Variants in THADA observed in about 807,000 individuals in gnomAD.
THADA encodes the protein THADA armadillo repeat containing.
Under a neutral mutation model 219.8 loss-of-function variants are expected in THADA, and 213 were observed. That is an observed-to-expected ratio of 0.97 (90% CI 0.87 to 1.09). The LOEUF (loss-of-function observed/expected upper bound fraction) is 1.09. Ranked by LOEUF, THADA falls within the 50% of genes least tolerant of loss-of-function variation. The probability of loss-of-function intolerance (pLI) is 0.00; values close to 1 mark genes in which losing one functional copy is unlikely to be tolerated. For synonymous variants in THADA, 1,018 were observed against 828.9 expected, an observed-to-expected ratio of 1.23 and a Z score of -3.92; for missense variants, 2,956 against 2,311.3, an observed-to-expected ratio of 1.28 and a Z score of -5.72.
chr2:43,241,692 C>T (rs962219720), intron 36 of THADA, among the ~76,000 whole-genome samples: 1 of 151,970 alleles, frequency 6.6e-6, no homozygotes, highest in Non-Finnish European at 1.5e-5. Flanking sequence ...CATTAGAAGA[C>T]GGCAGCAGCT....
Position 43,381,496 on chromosome 2 carries a change from GA to G in THADA, c.4227+16474del, listed in dbSNP as rs1168748341. ...AAGAGTAGAGTATGGAAAAAAGACA[GA>G]AGAGGAGAGAAGCTCTATAGTGGAG... On this transcript the variant is annotated intron_variant, in intron 29 of 37. Coordinates refer to ENST00000405975, the MANE Select transcript of THADA (RefSeq NM_022065.5). Among the ~76,000 whole-genome samples the G allele has an allele frequency of 2.0e-5, 3 of 152,194 alleles. No individual in the cohort carries two copies. In the East Asian group the frequency reaches 5.8e-4, roughly 29 times the overall value.
intron 9 of THADA, among the ~76,000 whole-genome samples, chr2:43,577,923 T>C (rs1430518485): frequency 1.3e-5 from 2 of 152,010 alleles, no homozygotes; most frequent in Non-Finnish European, 2.9e-5. Flanking sequence ...TAATGAGAGA[T>C]GACACTGAAC....
At chr2:43,570,691 C>T (rs995471246) in intron 13 of THADA, among the ~76,000 whole-genome samples, 181 bp from the exon 14 acceptor site, 1 of 152,208 alleles carries the variant, frequency 6.6e-6, no homozygotes, top group African/African-American at 2.4e-5. Context: ...CAAACTATTA[C>T]TGCAAAGCAG....
intron 36 of THADA, among the ~76,000 whole-genome samples, chr2:43,265,954 C>T (rs1389595186): frequency 8.1e-6 from 1 of 122,894 alleles, no homozygotes; most frequent in Non-Finnish European, 1.8e-5. Context: ...CACACACACA[C>T]ACACACACAC....
rs932488419 is a variant in THADA, at chr2:43,496,278, T to C, written c.3744+2555A>G. Reference sequence around the variant, plus strand: ...CATGATATAGGAAAACAAACTATAATGTTTCTCCCAGAAATCATAAGAAAA... The same window carrying C: ...CATGATATAGGAAAACAAACTATAACGTTTCTCCCAGAAATCATAAGAAAA... On this transcript the variant is annotated intron_variant, in intron 25 of 37. Coordinates refer to ENST00000405975, the MANE Select transcript of THADA (RefSeq NM_022065.5). 2.0e-5 allele frequency among the ~76,000 whole-genome samples: 3 copies of C among 152,218 alleles called. No homozygotes were observed. In the East Asian group the frequency reaches 5.8e-4, roughly 29 times the overall value.
At chr2:43,415,221 C>G (rs551560068) in intron 28 of THADA, among the ~76,000 whole-genome samples, 2 of 152,142 alleles carry the variant, frequency 1.3e-5, no homozygotes, top group African/African-American at 4.8e-5. Flanking sequence ...AAACCATATA[C>G]TAAAAGAATG....
intron 35 of THADA, 58 bp downstream of exon 35, chr2:43,286,850 T>C: frequency 1.9e-6 from 3 of 1,570,616 alleles, no homozygotes; most frequent in Non-Finnish European, 2.6e-6. Context: ...TAGGCAAGAA[T>C]ATCTATTCAT....
chr2:43,514,078 A>C (rs936901954), intron 22 of THADA, among the ~76,000 whole-genome samples: 3 of 151,848 alleles, frequency 2.0e-5, no homozygotes, highest in African/African-American at 7.3e-5. Context: ...AAAAAAAATA[A>C]AGAACAAGAA....
chr2:43,474,067 T>C (rs1282580636), intron 26 of THADA, among the ~76,000 whole-genome samples: 2 of 152,202 alleles, frequency 1.3e-5, no homozygotes, highest in East Asian at 1.9e-4. Flanking sequence ...ATATGTGGTC[T>C]GTCATTGACT....
rs191833928 is a variant in THADA at position 43,508,228 on chromosome 2, G to C, written c.3507+420C>G. Among the ~76,000 whole-genome samples the C allele has an allele frequency of 3.9e-5, 6 of 152,160 alleles. No homozygotes were observed. In the East Asian group the frequency reaches 9.6e-4, roughly 24 times the overall value. On this transcript the variant is annotated intron_variant, in intron 23 of 37. Transcript: ENST00000405975. ...TATTTTATGGATGGACGTTTTATAG[G>C]AGAATTGAAAAGAAAATGTTAACAC...
chr2:43,247,420 T>C (rs1669264286), intron 36 of THADA, among the ~76,000 whole-genome samples: 1 of 152,058 alleles, frequency 6.6e-6, no homozygotes, highest in South Asian at 2.1e-4. Flanking sequence ...CTGACTAAAA[T>C]TGTTGAATAA....
intron 26 of THADA, among the ~76,000 whole-genome samples, chr2:43,464,619 A>G (rs540898623): frequency 6.6e-6 from 1 of 152,204 alleles, no homozygotes; most frequent in African/African-American, 2.4e-5. Flanking sequence ...CATGAGCTAC[A>G]TAACAAGCAC....
In THADA at chr2:43,578,602, G is replaced by T; in HGVS notation, c.727C>A (p.Leu243Met). The T allele has an allele frequency of 6.3e-7, 1 of 1,589,700 alleles. No individual in the cohort carries two copies. Among genetic ancestry groups the T allele is most frequent in the South Asian group, 1.2e-5 (1 of 86,930 alleles). Residue 243 changes from leucine to methionine, a missense_variant, in exon 9 of 38, where the codon CTG (leucine) becomes ATG (methionine). Leu to Met is a conservative substitution (Grantham distance 15). Transcript: ENST00000405975. ...IFTKVLSDDD[L>M]LQTVQSTSGL... The stretch of plus-strand genomic sequence containing the variant: ...GATGTGCTCTGTACAGTCTGTAACA[G>T]ATCATCTATTTGGCAAAAAAGGAGA...
At chr2:43,283,603 G>A (rs369262903) in intron 35 of THADA, among the ~76,000 whole-genome samples, 1 of 152,220 alleles carries the variant, frequency 6.6e-6, no homozygotes, top group African/African-American at 2.4e-5. Context: ...CAAAGAGATT[G>A]GTGGCATTTT....
chr2:43,240,744 G>A (rs1157820499), intron 36 of THADA, among the ~76,000 whole-genome samples: 1 of 152,222 alleles, frequency 6.6e-6, no homozygotes, highest in Non-Finnish European at 1.5e-5. Context: ...AATGGAAGGG[G>A]ATCATCTCCC....
chr2:43,266,956 T>C (rs1420754251), intron 36 of THADA, among the ~76,000 whole-genome samples: 1 of 151,910 alleles, frequency 6.6e-6, no homozygotes, highest in Non-Finnish European at 1.5e-5. Context: ...CCATTGCTCC[T>C]TTTTTTTGGT....
At chr2:43,561,292 A>T (rs901746851) in intron 15 of THADA, among the ~76,000 whole-genome samples, 2 of 152,236 alleles carry the variant, frequency 1.3e-5, no homozygotes, top group African/African-American at 4.8e-5. Flanking sequence ...TTTGCCTATC[A>T]AACTCTTATT....
intron 29 of THADA, among the ~76,000 whole-genome samples, chr2:43,350,200 C>A (rs533217388): frequency 4.6e-5 from 7 of 152,094 alleles, no homozygotes; most frequent in Non-Finnish European, 8.8e-5. Flanking sequence ...GAACTGCAGG[C>A]AGGCAGGCAG....
At chr2:43,408,902 A>C (rs968495603) in intron 28 of THADA, among the ~76,000 whole-genome samples, 1 of 152,218 alleles carries the variant, frequency 6.6e-6, no homozygotes, top group Non-Finnish European at 1.5e-5. Flanking sequence ...AGTTGGAGCC[A>C]ATCTTCTCTA....
Sources: gnomAD v4.1 joint callset for allele counts (sites outside exome capture counted in the v4.1 genomes callset) on GRCh38, gnomAD v4.1.1 for gene constraint, MANE v1.5 for transcripts, NCBI Gene and HGNC (gene_info 2026-07-23, HGNC 2026-07-21) for gene names.